Variants in MAGED1 observed in about 807,000 individuals in gnomAD.
MAGED1 encodes MAGE family member D1.
In MAGED1, 3 loss-of-function variants were observed where a neutral mutation model predicts 54.1. The ratio of observed to expected loss-of-function variants is 0.06; its 90% confidence interval spans 0.03 to 0.14. The LOEUF is 0.14. MAGED1 is among the 10% of genes least tolerant of loss of function. MAGED1 has a pLI of 1.00. For synonymous variants in MAGED1, 217 were observed against 227.3 expected, an observed-to-expected ratio of 0.95 and a Z score of 0.41; for missense variants, 485 against 623.4, an observed-to-expected ratio of 0.78 and a Z score of 2.36.
chrX:51,818,504 T>C (rs1344001700), intron 1 of MAGED1, among the ~76,000 whole-genome samples: 1 of 112,159 alleles, frequency 8.9e-6, no homozygotes, highest in East Asian at 2.8e-4. Context: ...TGTGGCTACC[T>C]GCAGAGCCCC....
intron 1 of MAGED1, among the ~76,000 whole-genome samples, chrX:51,818,263 A>G (rs560328455): frequency 8.9e-6 from 1 of 111,755 alleles, no homozygotes; most frequent in Admixed American, 9.5e-5. Context: ...AATAGAGGCT[A>G]TCACAATCCC....
At chrX:51,840,861 T>A (rs1156407591) in intron 1 of MAGED1, among the ~76,000 whole-genome samples, 1 of 110,413 alleles carries the variant, frequency 9.1e-6, no homozygotes, top group Non-Finnish European at 1.9e-5. Context: ...TGGTTCCAAG[T>A]CTTTGCTATT....
Position 51,895,673 on chromosome X carries a change from C to A in MAGED1, c.666C>A (p.Asp222Glu). 8.3e-7 allele frequency: 1 copy of A among 1,206,193 alleles called. No homozygotes were observed. Among genetic ancestry groups the A allele is most frequent in the East Asian group, 3.0e-5 (1 of 33,743 alleles). Residue 222 changes from aspartate (D) to glutamate (E), a missense_variant, in exon 3 of 13, where the codon GAC becomes GAA. By Grantham distance (45) the Asp-to-Glu change is conservative (BLOSUM62 2). This residue lies in a region of MAGED1 where 299 missense variants were observed against 293.1 expected (regional missense o/e 1.02). Transcript: ENST00000326587. ...IETDPGISEP[D>E]GATAQTSADG... ...CCGACCCAGGTATCTCTGAACCTGA[C>A]GGTGCAACTGCACAGACATCAGCAG...
intron 11 of MAGED1, among the ~76,000 whole-genome samples, chrX:51,900,971 A>G (rs1557364888): frequency 1.8e-5 from 2 of 112,332 alleles, no homozygotes; most frequent in Non-Finnish European, 3.8e-5. Flanking sequence ...AAAAATATAC[A>G]TATTTATGGG....
At chrX:51,884,357 C>T (rs782036007) in intron 1 of MAGED1, among the ~76,000 whole-genome samples, 2 of 111,669 alleles carry the variant, frequency 1.8e-5, no homozygotes, top group African/African-American at 6.5e-5. Context: ...TTTTCAAGTG[C>T]TGCAAGAAAA....
chrX:51,898,266 C>T lies in MAGED1; in HGVS notation c.1739-19C>T. ...ATGCTTATTTTCCGTCCCTTGTCTC[C>T]CCTTGCCTCCCATTGCAGCTGTCCT... On this transcript the variant is annotated intron_variant, in intron 8 of 12. Coordinates refer to ENST00000326587, the MANE Select transcript of MAGED1 (RefSeq NM_006986.4). The T allele has an allele frequency of 8.3e-7, 1 of 1,210,266 alleles. No individual in the cohort carries two copies. The highest frequency in any genetic ancestry group is 1.1e-6 in the Non-Finnish European group (1 of 894,602).
chrX:51,812,410 G>T (rs1215065409), intron 1 of MAGED1, among the ~76,000 whole-genome samples: 1 of 110,806 alleles, frequency 9.0e-6, no homozygotes, highest in Non-Finnish European at 1.9e-5. Flanking sequence ...TTTTATAAAT[G>T]GTGTCCCCAT....
chrX:51,843,819 G>A (rs1288154580), intron 1 of MAGED1, among the ~76,000 whole-genome samples: 1 of 111,509 alleles, frequency 9.0e-6, no homozygotes, highest in Non-Finnish European at 1.9e-5. Flanking sequence ...TTGAGAATAC[G>A]TGGAAGAATT....
At chrX:51,805,965 CTTTTTTTT>C (rs57427122) in intron 1 of MAGED1, among the ~76,000 whole-genome samples, 2 of 36,945 alleles carry the variant, frequency 5.4e-5, no homozygotes, top group African/African-American at 1.1e-4. Context: ...CTTTTCTTTT[CTTTTTTTT>C]TTTTTTTTTT....
At chrX:51,867,579 T>C (rs1463083341) in intron 1 of MAGED1, among the ~76,000 whole-genome samples, 1 of 111,895 alleles carries the variant, frequency 8.9e-6, no homozygotes, top group Non-Finnish European at 1.9e-5. Context: ...TGCCCACCAG[T>C]TGAAGGGTAT....
chrX:51,848,582 C>T (rs924892012), intron 1 of MAGED1, among the ~76,000 whole-genome samples: 3 of 112,107 alleles, frequency 2.7e-5, no homozygotes, highest in Non-Finnish European at 5.6e-5. Context: ...CCTCCCCTCA[C>T]CCATAAAGCA....
Position 51,895,382 on chromosome X carries a change from C to G in MAGED1, c.375C>G (p.Ala125=), listed in dbSNP as rs1296824135. ...QNATPKGPNA[A]YDFSQAATTG... ...CTACCCCAAAGGGTCCAAATGCTGC[C>G]TATGATTTTTCCCAGGCAGCAACCA... Residue 125 remains alanine, a synonymous_variant, in exon 3 of 13, where the codon GCC becomes GCG. Coordinates refer to ENST00000326587, the MANE Select transcript of MAGED1 (RefSeq NM_006986.4). The G allele has an allele frequency of 7.5e-6, 9 of 1,207,325 alleles. No homozygotes were observed. The highest frequency in any genetic ancestry group is 1.0e-5 in the Non-Finnish European group (9 of 893,107).
chrX:51,885,092 A>G (rs1378282377), intron 1 of MAGED1, among the ~76,000 whole-genome samples: 1 of 112,031 alleles, frequency 8.9e-6, no homozygotes, highest in African/African-American at 3.2e-5. Context: ...TCAAAATAGT[A>G]TTGGGTTGCT....
intron 1 of MAGED1, among the ~76,000 whole-genome samples, chrX:51,833,241 ATTACT>A (rs201413569): frequency 0.031 from 3,413 of 110,101 alleles, 66 homozygotes; most frequent in Non-Finnish European, 0.05. Flanking sequence ...AGTGGTAGAA[ATTACT>A]TTATTTAGTT....
chrX:51,852,600 CA>C (rs1230479970), intron 1 of MAGED1, among the ~76,000 whole-genome samples: 1 of 111,956 alleles, frequency 8.9e-6, no homozygotes, highest in Non-Finnish European at 1.9e-5. Context: ...GTAACAGTTA[CA>C]AATATTCTCA....
At chrX:51,845,465 C>A (rs1362231559) in intron 1 of MAGED1, among the ~76,000 whole-genome samples, 1 of 111,149 alleles carries the variant, frequency 9.0e-6, no homozygotes. Flanking sequence ...TTTTCTCTTT[C>A]GTTTTTCTCC....
chrX:51,860,749 A>AG (rs1321753819), intron 1 of MAGED1, among the ~76,000 whole-genome samples: 1 of 109,934 alleles, frequency 9.1e-6, no homozygotes, highest in African/African-American at 3.3e-5. Flanking sequence ...GTGTGGAGTG[A>AG]GAAAAAAAAA....
At chrX:51,877,854 C>A (rs1477399742) in intron 1 of MAGED1, among the ~76,000 whole-genome samples, 3 of 111,748 alleles carry the variant, frequency 2.7e-5, no homozygotes, top group African/African-American at 9.7e-5. Context: ...GATGATTTTT[C>A]TTTTATAAAA....
chrX:51,852,602 A>G (rs558038563), intron 1 of MAGED1, among the ~76,000 whole-genome samples: 4 of 112,218 alleles, frequency 3.6e-5, no homozygotes, highest in African/African-American at 9.7e-5. Context: ...AACAGTTACA[A>G]ATATTCTCAA....
Sources: gnomAD v4.1 joint callset for allele counts (sites outside exome capture counted in the v4.1 genomes callset) on GRCh38, gnomAD v4.1.1 for gene constraint, gnomAD v4.1.1 regional missense constraint, MANE v1.5 for transcripts, NCBI Gene and HGNC (gene_info 2026-07-23, HGNC 2026-07-21) for gene names.